ZFAT: variants seen among roughly 807,000 people sequenced by gnomAD.
ZFAT encodes the protein zinc finger protein ZFAT.
ZFAT carries 64 observed loss-of-function variants against 117.7 expected under a neutral mutation model. The ratio of observed to expected loss-of-function variants is 0.54; its 90% CI spans 0.44 to 0.67. The LOEUF (loss-of-function observed/expected upper bound fraction) is 0.67, where lower values mean the gene tolerates loss of function less well. ZFAT is among the 30% of genes least tolerant of loss of function. The pLI, the probability that ZFAT is intolerant of heterozygous loss-of-function variation, is 0.00. For missense variants in ZFAT, 1,433 were observed against 1,584.5 expected (o/e 0.90, Z 1.62); for synonymous variants, 679 against 615.0 (o/e 1.10, Z -1.54).
At chr8:134,539,481 T>C (rs1330988744) in intron 11 of ZFAT, among the ~76,000 whole-genome samples, 3 of 152,030 alleles carry the variant, frequency 2.0e-5, no homozygotes, top group Non-Finnish European at 4.4e-5. Context: ...TGAAGAAGAA[T>C]AAAGGCAAAA....
At chr8:134,694,627 T>C (rs1217431529) in intron 1 of ZFAT, among the ~76,000 whole-genome samples, 1 of 152,168 alleles carries the variant, frequency 6.6e-6, no homozygotes, top group Non-Finnish European at 1.5e-5. Context: ...TCCTCCTAGT[T>C]CATTTGCCTC....
At chr8:134,679,180 A>T (rs1465426960) in intron 1 of ZFAT, among the ~76,000 whole-genome samples, 1 of 152,244 alleles carries the variant, frequency 6.6e-6, no homozygotes, top group Non-Finnish European at 1.5e-5. Flanking sequence ...AATTTTTTCA[A>T]TCTATCCATC....
intron 1 of ZFAT, among the ~76,000 whole-genome samples, chr8:134,662,897 G>A (rs569697135): frequency 2.6e-5 from 4 of 152,350 alleles, no homozygotes; most frequent in South Asian, 2.1e-4. Flanking sequence ...CACAGAGGAC[G>A]GCTCAGAGGT....
At chr8:134,712,722 G>A (rs1359998157) in intron 1 of ZFAT, 123 bp downstream of exon 1, 2 of 712,176 alleles carry the variant, frequency 2.8e-6, no homozygotes, top group Non-Finnish European at 4.0e-6. Flanking sequence ...TCCCTCCGCG[G>A]CCGGCGGCCG....
chr8:134,639,707 C>T (rs188686039), intron 2 of ZFAT: 1 of 448,912 alleles, frequency 2.2e-6, no homozygotes, highest in African/African-American at 2.0e-5. Context: ...CGTGTACTTG[C>T]ACAATCTACT....
Position 134,681,169 on chromosome 8 carries a change from G to T in ZFAT, c.20-23432C>A, listed in dbSNP as rs150826495. ...CAGCCCAGTGAATGTGCCCATCTCT[G>T]CTGGGAGGGAAGTTTGGGATCTGAA... On this transcript the variant is annotated intron_variant, in intron 1 of 15. Transcript: ENST00000377838. Among the ~76,000 whole-genome samples, 999 of 152,328 alleles carry T rather than the reference G, an allele frequency of 6.6e-3. 10 individuals carry two copies. The highest frequency in any genetic ancestry group is 9.3e-3 in the Non-Finnish European group (631 of 68,028).
chr8:134,575,640 T>A (rs577492865), intron 10 of ZFAT, among the ~76,000 whole-genome samples: 13 of 152,272 alleles, frequency 8.5e-5, no homozygotes, highest in Admixed American at 8.5e-4. Context: ...CAAATGGGGA[T>A]CACTGTTCAA....
At chr8:134,772,654 T>C in the ZFAT span, among the ~76,000 whole-genome samples, 1 of 152,248 alleles carries the variant, frequency 6.6e-6, no homozygotes, top group East Asian at 1.9e-4. Context: ...CCAGAAAGTC[T>C]AGCTAAGATC....
chr8:134,774,980 T>C, the ZFAT span, among the ~76,000 whole-genome samples: 1 of 152,232 alleles, frequency 6.6e-6, no homozygotes, highest in East Asian at 1.9e-4. Context: ...TAGCCAGCCG[T>C]GGTGGCGTAT....
chr8:134,552,942 G>A (rs1254115395), intron 11 of ZFAT, among the ~76,000 whole-genome samples: 1 of 152,204 alleles, frequency 6.6e-6, no homozygotes, highest in African/African-American at 2.4e-5. Context: ...GGTGCACTTG[G>A]AGCTTCACAG....
chr8:134,669,708 A>G (rs193114600), intron 1 of ZFAT, among the ~76,000 whole-genome samples: 3 of 152,208 alleles, frequency 2.0e-5, no homozygotes, highest in African/African-American at 7.2e-5. Flanking sequence ...CGAGCAAAAT[A>G]ACCAGCTAAC....
chr8:134,555,566 C>A (rs1217014778), intron 11 of ZFAT, among the ~76,000 whole-genome samples: 1 of 152,138 alleles, frequency 6.6e-6, no homozygotes, highest in Non-Finnish European at 1.5e-5. Context: ...CTATTGTTTA[C>A]CTCAGTCTAC....
chr8:134,544,891 A>G (rs1822572643), intron 11 of ZFAT, among the ~76,000 whole-genome samples: 1 of 152,172 alleles, frequency 6.6e-6, no homozygotes, highest in Non-Finnish European at 1.5e-5. Context: ...AAAACAGCTG[A>G]GCATCACCTA....
chr8:134,554,031 C>T (rs971537221), intron 11 of ZFAT, among the ~76,000 whole-genome samples: 7 of 152,342 alleles, frequency 4.6e-5, no homozygotes, highest in South Asian at 2.1e-4. Context: ...GAACTACCCA[C>T]GGGGAATGCT....
intron 11 of ZFAT, among the ~76,000 whole-genome samples, chr8:134,542,437 CA>C (rs1821105065): frequency 6.6e-6 from 1 of 152,200 alleles, no homozygotes; most frequent in African/African-American, 2.4e-5. Flanking sequence ...GGTAGTTTTT[CA>C]ATCCTCATCC....
intron 1 of ZFAT, among the ~76,000 whole-genome samples, chr8:134,669,282 C>T (rs1364235520): frequency 1.3e-5 from 2 of 152,116 alleles, no homozygotes; most frequent in Non-Finnish European, 2.9e-5. Context: ...AGAAGAGCAG[C>T]TCCAAGACAA....
At position 134,587,989 on chromosome 8, in the gene ZFAT, A is replaced by G. The variant is rs1826190712; in HGVS notation, c.2713+257T>C. 1.3e-5 allele frequency among the ~76,000 whole-genome samples: 2 copies of G among 152,172 alleles called. 1 individual carries two copies. Among genetic ancestry groups the G allele is most frequent in the South Asian group, 4.1e-4 (2 of 4,830 alleles). Reference sequence around the variant, plus strand: ...CAAGGTACCTACTTTCCAGCAGAGGAGTCATGGTGATTTATTTCACTACAA... The same window carrying G: ...CAAGGTACCTACTTTCCAGCAGAGGGGTCATGGTGATTTATTTCACTACAA... On this transcript the variant is annotated intron_variant, in intron 9 of 15. Coordinates refer to ENST00000377838, the MANE Select transcript of ZFAT (RefSeq NM_020863.4).
chr8:134,595,893 GC>G (rs1331002062), intron 7 of ZFAT, among the ~76,000 whole-genome samples: 2 of 152,184 alleles, frequency 1.3e-5, no homozygotes, highest in Admixed American at 6.5e-5. Context: ...TTGGATATGG[GC>G]CCATTTGAAG....
intron 10 of ZFAT, among the ~76,000 whole-genome samples, chr8:134,578,237 A>AC (rs1825455342): frequency 6.6e-6 from 1 of 151,792 alleles, no homozygotes; most frequent in East Asian, 1.9e-4. Flanking sequence ...GCATGGTGAA[A>AC]CCCCATCTCT....
Sources: gnomAD v4.1 joint callset for allele counts (sites outside exome capture counted in the v4.1 genomes callset) on GRCh38, gnomAD v4.1.1 for gene constraint, MANE v1.5 for transcripts, NCBI Gene and HGNC (gene_info 2026-07-23, HGNC 2026-07-21) for gene names.